The following TNPO1 variants were observed in gnomAD, a reference collection of about 807,000 sequenced individuals.
TNPO1 encodes the protein transportin-1.
TNPO1 carries 8 observed loss-of-function variants against 119.5 expected under a neutral mutation model. The observed-to-expected ratio is 0.07, with a 90% CI of 0.04 to 0.12. The LOEUF (loss-of-function observed/expected upper bound fraction) is 0.12. Ranked by LOEUF, TNPO1 falls within the 10% of genes least tolerant of loss-of-function variation. TNPO1 has a pLI of 1.00. For missense variants in TNPO1, 576 were observed against 1,089.8 expected (o/e 0.53, Z 6.64); for synonymous variants, 362 against 363.0 (o/e 1.00, Z 0.03).
At chr5:72,864,116 G>T (rs1378370718) in intron 5 of TNPO1, among the ~76,000 whole-genome samples, 1 of 151,628 alleles carries the variant, frequency 6.6e-6, no homozygotes. Context: ...GATGTAATAG[G>T]CTTTCAGAAG....
intron 24 of TNPO1, among the ~76,000 whole-genome samples, chr5:72,907,891 TAAAAAG>T (rs1320983136): frequency 6.6e-6 from 1 of 151,078 alleles, no homozygotes; most frequent in Non-Finnish European, 1.5e-5. Flanking sequence ...TGAAAAAAAT[TAAAAAG>T]AAAAAAATGA....
chr5:72,912,495 C>T lies in TNPO1; in HGVS notation c.*3822C>T, dbSNP rs1750631929. 1 of 152,392 alleles carries T rather than the reference C, an allele frequency of 6.6e-6. No individual in the cohort carries two copies. Among genetic ancestry groups the T allele is most frequent in the African/African-American group, 2.4e-5 (1 of 41,410 alleles). 9.4% of individuals were successfully genotyped at this position (152,392 alleles called of 1,614,324 possible). Reference sequence around the variant, plus strand: ...GTATTGTTTTTGCTTTGGTGACATGCTTATAAAGGGTCATCCTAGTTACAT... The same window carrying T: ...GTATTGTTTTTGCTTTGGTGACATGTTTATAAAGGGTCATCCTAGTTACAT... On this transcript the variant is annotated 3_prime_UTR_variant, in exon 25 of 25. Coordinates refer to ENST00000337273, the MANE Select transcript of TNPO1 (RefSeq NM_002270.4).
chr5:72,906,944 G>A (rs1579950818), intron 24 of TNPO1, among the ~76,000 whole-genome samples: 1 of 152,286 alleles, frequency 6.6e-6, no homozygotes, highest in East Asian at 1.9e-4. Flanking sequence ...TACAGAAGAT[G>A]TACACCAAGT....
intron 4 of TNPO1, among the ~76,000 whole-genome samples, chr5:72,856,894 A>G: frequency 6.6e-6 from 1 of 152,216 alleles, no homozygotes; most frequent in African/African-American, 2.4e-5. Context: ...CATACTGAAG[A>G]GGAGCGTACT....
intron 9 of TNPO1, among the ~76,000 whole-genome samples, chr5:72,880,743 G>C (rs1748179689): frequency 6.8e-6 from 1 of 147,074 alleles, no homozygotes; most frequent in Non-Finnish European, 1.5e-5. Context: ...TTGAACCCGG[G>C]AAGTGGAGAT....
intron 2 of TNPO1, among the ~76,000 whole-genome samples, chr5:72,848,750 C>T (rs1745300030): frequency 6.8e-6 from 1 of 147,046 alleles, no homozygotes; most frequent in Non-Finnish European, 1.5e-5. Context: ...CGGCTTCCGG[C>T]GCGCAGGAGG....
rs879021985 is a variant in TNPO1, at chr5:72,882,987, TTC to T, written c.982-75_982-74del. 12 of 1,027,224 alleles carry T rather than the reference TTC, an allele frequency of 1.2e-5. No individual in the cohort carries two copies. In the South Asian group the frequency reaches 1.5e-4, roughly 13 times the overall value. 63.6% of individuals were successfully genotyped at this position (1,027,224 alleles called of 1,614,324 possible). ...CTGTGCATGACCCCATCTCTGGATA[TTC>T]TGTTTCTCTTACTCATGTACATACT... is the stretch of plus-strand genomic sequence containing the variant. On this transcript the variant is annotated intron_variant, in intron 10 of 24. Transcript: ENST00000337273.
At chr5:72,822,345 C>G (rs1225226728) in intron 1 of TNPO1, among the ~76,000 whole-genome samples, 2 of 150,254 alleles carry the variant, frequency 1.3e-5, no homozygotes, top group Non-Finnish European at 3.0e-5. Context: ...TCTCATTATA[C>G]TGGCCAAAGA....
chr5:72,849,417 C>T (rs1339353561), intron 2 of TNPO1, among the ~76,000 whole-genome samples: 2 of 152,170 alleles, frequency 1.3e-5, no homozygotes, highest in Non-Finnish European at 2.9e-5. Context: ...GTTAAGTCTA[C>T]TATTTTTTGC....
intron 4 of TNPO1, among the ~76,000 whole-genome samples, chr5:72,860,273 A>G (rs887568646): frequency 3.9e-5 from 6 of 152,144 alleles, no homozygotes; most frequent in Non-Finnish European, 8.8e-5. Context: ...AACCCTATGA[A>G]GAGTTTTCTT....
chr5:72,881,792 G>T (rs546097807), intron 9 of TNPO1, among the ~76,000 whole-genome samples: 29 of 152,058 alleles, frequency 1.9e-4, no homozygotes, highest in African/African-American at 7.0e-4. Context: ...TCTCCTTAAG[G>T]TCTGTATAGT....
intron 4 of TNPO1, among the ~76,000 whole-genome samples, chr5:72,857,587 C>A (rs563248218): frequency 3.3e-5 from 5 of 152,192 alleles, no homozygotes; most frequent in African/African-American, 9.6e-5. Context: ...CAGCCTTTTC[C>A]ATTTCGGATC....
chr5:72,887,096 G>A lies in TNPO1; in HGVS notation c.1177G>A (p.Val393Ile). Residue 393 changes from valine (V) to isoleucine (I), a missense_variant, in exon 12 of 25, where the codon GTT (valine) becomes ATT (isoleucine). Val to Ile is a conservative substitution (Grantham distance 29, BLOSUM62 3). This residue lies in a region of TNPO1 where 310 missense variants were observed against 583.0 expected (regional missense o/e 0.53). Coordinates refer to ENST00000337273, the MANE Select transcript of TNPO1 (RefSeq NM_002270.4). ...AAAATGTTCTGCTGCTGCCCTGGAT[G>A]TTCTTGCAAATGTGTATCGTGATGA... ...LRKCSAAALD[V>I]LANVYRDELL... The A allele has an allele frequency of 6.2e-7, 1 of 1,612,406 alleles. No homozygotes were observed. Among genetic ancestry groups the A allele is most frequent in the Non-Finnish European group, 8.5e-7 (1 of 1,179,048 alleles).
chr5:72,822,908 CTTTTTTTTTTTTT>C (rs56331096), intron 1 of TNPO1, among the ~76,000 whole-genome samples: 15 of 76,086 alleles, frequency 2.0e-4, no homozygotes, highest in Non-Finnish European at 3.2e-4. Flanking sequence ...TGGGTCTACA[CTTTTTTTTTTTTT>C]TTTTTTTTTT....
intron 22 of TNPO1, among the ~76,000 whole-genome samples, chr5:72,903,200 T>C (rs974514300): frequency 6.6e-6 from 1 of 152,204 alleles, no homozygotes; most frequent in Middle Eastern, 3.2e-3. Flanking sequence ...ATTACATAAT[T>C]AGTTTTTCTT....
chr5:72,837,669 C>T lies in TNPO1; in HGVS notation c.16-10716C>T, dbSNP rs562148192. On this transcript the variant is annotated intron_variant, in intron 1 of 24. Transcript: ENST00000337273. ...TTCATCCTATTGTTATCTGATGGTACGAACTGCCATCAGTAAACCTGGGTC... is the reference window on the plus strand; with the variant it reads ...TTCATCCTATTGTTATCTGATGGTATGAACTGCCATCAGTAAACCTGGGTC... Among the ~76,000 whole-genome samples, 44 of 152,290 alleles carry T rather than the reference C, an allele frequency of 2.9e-4. 1 individual carries two copies. The South Asian group carries it at 9.1e-3, about 32-fold the overall frequency.
chr5:72,856,989 G>A (rs1292104208), intron 4 of TNPO1, among the ~76,000 whole-genome samples: 1 of 152,108 alleles, frequency 6.6e-6, no homozygotes, highest in African/African-American at 2.4e-5. Context: ...ACCCAGGCTG[G>A]TTAAATGAAA....
rs1750432708 is a variant in TNPO1 at position 72,909,739 on chromosome 5, GAT to G, written c.*1072_*1073del. Reference sequence around the variant, plus strand: ...GGATTTTATTTTTATTAAGAACATAGATATATAAAGTACTGTAGTTTACAGGT... The same window carrying G: ...GGATTTTATTTTTATTAAGAACATAGATATAAAGTACTGTAGTTTACAGGT... On this transcript the variant is annotated 3_prime_UTR_variant, in exon 25 of 25. Coordinates refer to ENST00000337273, the MANE Select transcript of TNPO1 (RefSeq NM_002270.4). 6.6e-6 allele frequency: 1 copy of G among 152,474 alleles called. No individual in the cohort carries two copies. The highest frequency in any genetic ancestry group is 1.9e-4 in the East Asian group (1 of 5,200). The allele number at this position is 152,474 out of a possible 1,614,324, so 9.4% of individuals were successfully genotyped here. A position where few individuals can be genotyped will look rare whatever the true frequency, so the allele number is the denominator to read the frequency against.
chr5:72,827,172 T>A (rs1414138670), intron 1 of TNPO1, among the ~76,000 whole-genome samples: 1 of 152,048 alleles, frequency 6.6e-6, no homozygotes, highest in Non-Finnish European at 1.5e-5. Flanking sequence ...GGGAACAAAC[T>A]TAGCATGATC....
Sources: gnomAD v4.1 joint callset for allele counts (sites outside exome capture counted in the v4.1 genomes callset) on GRCh38, gnomAD v4.1.1 for gene constraint, gnomAD v4.1.1 regional missense constraint, MANE v1.5 for transcripts, NCBI Gene and HGNC (gene_info 2026-07-23, HGNC 2026-07-21) for gene names.